Variants in FARP1 observed in about 807,000 individuals in gnomAD.
FARP1 encodes FERM, ARHGEF and pleckstrin domain-containing protein 1.
FARP1 carries 52 observed loss-of-function variants against 128.8 expected under a neutral mutation model. That is an observed-to-expected ratio of 0.40 (90% CI 0.32 to 0.51). The LOEUF (loss-of-function observed/expected upper bound fraction) is 0.51, where lower values mean the gene tolerates loss of function less well. Among genes scored for constraint, FARP1 ranks in the 20% least tolerant of loss-of-function variants. The pLI is 0.45. For synonymous variants in FARP1, 580 were observed against 551.8 expected (o/e 1.05, Z -0.72); for missense variants, 1,333 against 1,367.9 (o/e 0.97, Z 0.40).
chr13:98,207,791 C>T (rs989828322), intron 1 of FARP1, among the ~76,000 whole-genome samples: 1 of 151,964 alleles, frequency 6.6e-6, no homozygotes, highest in African/African-American at 2.4e-5. Context: ...TTATTTTTAA[C>T]CATGAGACAG....
At chr13:98,355,053 A>T (rs560470572) in intron 3 of FARP1, among the ~76,000 whole-genome samples, 1 of 152,312 alleles carries the variant, frequency 6.6e-6, no homozygotes, top group East Asian at 1.9e-4. Flanking sequence ...CATTTTTAAA[A>T]TTTTATTTTG....
chr13:98,271,787 C>T (rs1884402874), intron 2 of FARP1, among the ~76,000 whole-genome samples: 1 of 152,186 alleles, frequency 6.6e-6, no homozygotes. Context: ...ATATGTGCCA[C>T]ATTTTCTTTA....
intron 2 of FARP1, among the ~76,000 whole-genome samples, chr13:98,311,977 G>GGGATTATA (rs1886481026): frequency 6.6e-6 from 1 of 151,470 alleles, no homozygotes; most frequent in Admixed American, 6.6e-5. Context: ...TGGAGTAGCT[G>GGGATTATA]GGATTATAGG....
chr13:98,446,144 G>T lies in FARP1; in HGVS notation c.2843G>T (p.Gly948Val), dbSNP rs772553611. The change falls in exon 25 of 27, where the codon GGG (glycine) becomes GTG (valine). Residue 948 changes from glycine to valine, a missense_variant. Transcript: ENST00000319562. ...CTGAGGAAATTCAAAAACAGCAACG[G>T]GTGGCAGAAGCTGTGGGTGGTGTTC... The part of the protein sequence containing the change: ...NLLRKFKNSN[G>V]WQKLWVVFTN... The T allele has an allele frequency of 1.2e-5, 19 of 1,614,100 alleles. 1 individual carries two copies. The South Asian group carries it at 2.1e-4, about 18-fold the overall frequency.
Position 98,451,708 on chromosome 13 carries a change from G to C in FARP1, c.*3391G>C, listed in dbSNP as rs1893201221. 6.6e-6 allele frequency: 1 copy of C among 152,192 alleles called. No homozygotes were observed. Among genetic ancestry groups the C allele is most frequent in the South Asian group, 2.1e-4 (1 of 4,830 alleles). The allele number at this position is 152,192 out of a possible 1,614,324, so 9.4% of individuals were successfully genotyped here. On this transcript the variant is annotated 3_prime_UTR_variant, in exon 27 of 27. Coordinates refer to ENST00000319562, the MANE Select transcript of FARP1 (RefSeq NM_005766.4). ...CACAAGAACTGGCACACCCACGGGA[G>C]ATGTCAATCATCAGCTTCAACAAAC... is the stretch of plus-strand genomic sequence containing the variant.
chr13:98,400,755 T>C (rs1315254296), intron 13 of FARP1: 1 of 152,224 alleles, frequency 6.6e-6, no homozygotes, highest in Non-Finnish European at 1.5e-5. Context: ...TCTCCTCTGA[T>C]GGTCATGGAC....
chr13:98,378,957 T>C lies in FARP1; in HGVS notation c.496+1039T>C, dbSNP rs1466551339. On this transcript the variant is annotated intron_variant, in intron 6 of 26. Transcript: ENST00000319562. Reference sequence around the variant, plus strand: ...ATATAATCTATATATAATATATATATAATATATACAATATATAATCTATAT... The same window carrying C: ...ATATAATCTATATATAATATATATACAATATATACAATATATAATCTATAT... Among the ~76,000 whole-genome samples the C allele has an allele frequency of 3.1e-5, 3 of 96,684 alleles. 1 individual carries two copies. The highest frequency in any genetic ancestry group is 5.9e-5 in the Non-Finnish European group (3 of 50,822). The allele number at this position is 96,684 out of a possible 152,430, so 63.4% of individuals were successfully genotyped here.
At chr13:98,395,877 C>T in intron 13 of FARP1, 1 of 400,338 alleles carries the variant, frequency 2.5e-6, no homozygotes, top group Non-Finnish European at 4.4e-6. Context: ...TGTCTCCCAG[C>T]AGCAGCAGTT....
intron 2 of FARP1, among the ~76,000 whole-genome samples, chr13:98,260,331 G>C (rs1004108139): frequency 6.6e-6 from 1 of 152,174 alleles, no homozygotes; most frequent in African/African-American, 2.4e-5. Flanking sequence ...CTAATCATGG[G>C]TTCACACACC....
intron 2 of FARP1, among the ~76,000 whole-genome samples, chr13:98,236,670 A>G (rs1882439043): frequency 6.6e-6 from 1 of 152,222 alleles, no homozygotes; most frequent in African/African-American, 2.4e-5. Flanking sequence ...ATTTACTACC[A>G]TAAAATGAAC....
At chr13:98,290,502 G>GTGTC (rs1185241639) in intron 2 of FARP1, among the ~76,000 whole-genome samples, 8 of 152,078 alleles carry the variant, frequency 5.3e-5, no homozygotes, top group Non-Finnish European at 8.8e-5. Flanking sequence ...GAACCGCAAG[G>GTGTC]TGTCCTCCAT....
At chr13:98,327,383 C>T (rs1484210516) in intron 2 of FARP1, among the ~76,000 whole-genome samples, 1 of 152,108 alleles carries the variant, frequency 6.6e-6, no homozygotes, top group Non-Finnish European at 1.5e-5. Context: ...CTAACTTTTG[C>T]AGTGATGATA....
chr13:98,359,180 A>G (rs138823902), intron 3 of FARP1, among the ~76,000 whole-genome samples: 2 of 152,288 alleles, frequency 1.3e-5, no homozygotes, highest in African/African-American at 4.8e-5. Context: ...GATTCAAGCT[A>G]TGTGACATTG....
intron 2 of FARP1, among the ~76,000 whole-genome samples, chr13:98,245,748 A>G (rs1036155609): frequency 4.6e-5 from 7 of 152,154 alleles, no homozygotes; most frequent in African/African-American, 1.7e-4. Flanking sequence ...AATGTATCCC[A>G]TTCTTAGGAT....
Position 98,373,601 on chromosome 13 carries a change from G to A in FARP1, c.399-4220G>A, listed in dbSNP as rs868171503. ...ACACACAGAAAGGGGGTTGCGGGGA[G>A]AGACAGAAGGGTAGAGCAAGAGAAC... is the stretch of plus-strand genomic sequence containing the variant. On this transcript the variant is annotated intron_variant, in intron 5 of 26. Coordinates refer to ENST00000319562, the MANE Select transcript of FARP1 (RefSeq NM_005766.4). Among the ~76,000 whole-genome samples the A allele has an allele frequency of 2.7e-5, 4 of 150,238 alleles. No individual in the cohort carries two copies. The South Asian group carries it at 8.4e-4, about 32-fold the overall frequency.
At chr13:98,313,231 G>T (rs1202596348) in intron 2 of FARP1, among the ~76,000 whole-genome samples, 1 of 122,496 alleles carries the variant, frequency 8.2e-6, no homozygotes, top group African/African-American at 3.1e-5. Flanking sequence ...CTGGAATCGG[G>T]TGGGTCATAA....
At chr13:98,421,683 C>T (rs1891600057) in intron 16 of FARP1, among the ~76,000 whole-genome samples, 2 of 152,032 alleles carry the variant, frequency 1.3e-5, no homozygotes, top group South Asian at 2.1e-4. Flanking sequence ...AATAGTGAGA[C>T]CCCATCTTTA....
At chr13:98,395,185 C>G (rs1439689004) in intron 12 of FARP1, 42 bp from the exon 13 acceptor site, 3 of 1,552,280 alleles carry the variant, frequency 1.9e-6, no homozygotes, top group African/African-American at 1.4e-5. Context: ...AACAGTCTCC[C>G]TCTTCTCTAT....
rs763223136 is a variant in FARP1 at position 98,446,681 on chromosome 13, G to A, written c.2920G>A (p.Ala974Thr). 23 of 1,613,978 alleles carry A rather than the reference G, an allele frequency of 1.4e-5. No individual in the cohort carries two copies. In the East Asian group the frequency reaches 4.5e-4, roughly 31 times the overall value. ...YKSHQDNHPL[A>T]SLPLLGYSLT... ...CCCTTTCCAGGACAATCATCCCCTTGCCAGCCTGCCTCTGCTCGGCTACTC... is the reference window on the plus strand; with the variant it reads ...CCCTTTCCAGGACAATCATCCCCTTACCAGCCTGCCTCTGCTCGGCTACTC... Residue 974 changes from alanine (A) to threonine (T), a missense_variant, in exon 26 of 27, where the codon GCC becomes ACC. By Grantham distance (58) the Ala-to-Thr change is moderately conservative (BLOSUM62 0). Around this residue, in one of 2 missense-constraint regions of FARP1, gnomAD observed 1,009 missense variants for 969.8 expected, o/e 1.04. Transcript: ENST00000319562.
Sources: gnomAD v4.1 joint callset for allele counts (sites outside exome capture counted in the v4.1 genomes callset) on GRCh38, gnomAD v4.1.1 for gene constraint, gnomAD v4.1.1 regional missense constraint, MANE v1.5 for transcripts, NCBI Gene and HGNC (gene_info 2026-07-23, HGNC 2026-07-21) for gene names.